Variants in NUDCD3 observed in about 807,000 individuals in gnomAD.
NUDCD3 encodes nudC domain-containing protein 3.
Under a neutral mutation model 39.7 loss-of-function variants are expected in NUDCD3, and 13 were observed. The ratio of observed to expected loss-of-function variants is 0.33; its 90% CI spans 0.21 to 0.52. The LOEUF is 0.52. NUDCD3 is among the 20% of genes least tolerant of loss of function. NUDCD3 has a pLI of 0.96. For missense variants in NUDCD3, 453 were observed against 458.1 expected, an observed-to-expected ratio of 0.99 and a Z score of 0.10; for synonymous variants, 175 against 172.4, an observed-to-expected ratio of 1.02 and a Z score of -0.12.
chr7:44,485,493 C>T, intron 1 of NUDCD3: 1 of 537,238 alleles, frequency 1.9e-6, no homozygotes, highest in Non-Finnish European at 3.3e-6. Flanking sequence ...TCAACAAAAT[C>T]AGAAACTTAT....
At chr7:44,433,178 C>A (rs554063468) in intron 2 of NUDCD3, among the ~76,000 whole-genome samples, 2 of 152,306 alleles carry the variant, frequency 1.3e-5, no homozygotes, top group Admixed American at 1.3e-4. Flanking sequence ...CTTCCAACAT[C>A]CAGAACTGTG....
rs1412309678 is a variant in NUDCD3 at position 44,379,373 on chromosome 7, G to C, written c.*6638C>G. 6.6e-6 allele frequency: 1 copy of C among 151,702 alleles called. No homozygotes were observed. Among genetic ancestry groups the C allele is most frequent in the Admixed American group, 6.6e-5 (1 of 15,258 alleles). The allele number at this position is 151,702 out of a possible 1,614,324, so 9.4% of individuals were successfully genotyped here. A position where few individuals can be genotyped will look rare whatever the true frequency, so the allele number is the denominator to read the frequency against. ...TGGGACAGAGATGAGGCAGTTGGCG[G>C]GGCGGGGCGGGGTGGGGGGGAACAG... On this transcript the variant is annotated 3_prime_UTR_variant, in exon 6 of 6. Transcript: ENST00000355451.
chr7:44,428,404 T>C (rs564426505), intron 2 of NUDCD3, among the ~76,000 whole-genome samples: 5 of 151,736 alleles, frequency 3.3e-5, no homozygotes, highest in African/African-American at 7.3e-5. Flanking sequence ...GATCACACCA[T>C]TGCACTCCAG....
chr7:44,472,756 G>A (rs893936850), intron 2 of NUDCD3, among the ~76,000 whole-genome samples: 3 of 152,132 alleles, frequency 2.0e-5, no homozygotes, highest in African/African-American at 7.2e-5. Flanking sequence ...AAAAGTGAAC[G>A]ACATTTCAAA....
At chr7:44,487,196 A>G (rs1008529235) in intron 1 of NUDCD3, among the ~76,000 whole-genome samples, 7 of 152,246 alleles carry the variant, frequency 4.6e-5, no homozygotes, top group African/African-American at 7.2e-5. Context: ...TTTCACATAC[A>G]TCATTCCTGC....
chr7:44,428,793 TGA>T (rs1384134247), intron 2 of NUDCD3, among the ~76,000 whole-genome samples: 1 of 152,320 alleles, frequency 6.6e-6, no homozygotes, highest in African/African-American at 2.4e-5. Flanking sequence ...TATAGTGAAC[TGA>T]AGATCTAAAT....
intron 2 of NUDCD3, chr7:44,471,702 T>C (rs1800262427): frequency 6.6e-6 from 1 of 152,260 alleles, no homozygotes; most frequent in Non-Finnish European, 1.5e-5. Context: ...CTGAGGCCAC[T>C]ACAGAGTAGA....
intron 5 of NUDCD3, among the ~76,000 whole-genome samples, chr7:44,390,269 CAGG>C (rs1459676314): frequency 6.6e-6 from 1 of 152,114 alleles, no homozygotes; most frequent in Non-Finnish European, 1.5e-5. Flanking sequence ...GAGGCTGAGG[CAGG>C]AGAACCGCTT....
At chr7:44,390,535 C>T (rs1798494587) in intron 5 of NUDCD3, among the ~76,000 whole-genome samples, 2 of 152,172 alleles carry the variant, frequency 1.3e-5, no homozygotes, top group South Asian at 4.1e-4. Flanking sequence ...GTCCCTCCAT[C>T]CTGTGGCACA....
Position 44,418,931 on chromosome 7 carries a change from C to T in NUDCD3, c.642+8640G>A, listed in dbSNP as rs552502439. Reference sequence around the variant, plus strand: ...TGCAATCTGCAGATCAGGAGATTCCCTCGTGTGCCTACACCACCAGGGCCC... The same window carrying T: ...TGCAATCTGCAGATCAGGAGATTCCTTCGTGTGCCTACACCACCAGGGCCC... On this transcript the variant is annotated intron_variant, in intron 3 of 5. Coordinates refer to ENST00000355451, the MANE Select transcript of NUDCD3 (RefSeq NM_015332.4). Among the ~76,000 whole-genome samples the T allele has an allele frequency of 2.7e-4, 41 of 152,320 alleles. No homozygotes were observed. The East Asian group carries it at 6.9e-3, about 26-fold the overall frequency.
intron 2 of NUDCD3, among the ~76,000 whole-genome samples, chr7:44,447,302 A>G (rs1312184869): frequency 6.6e-6 from 1 of 152,250 alleles, no homozygotes; most frequent in Non-Finnish European, 1.5e-5. Context: ...AGCCTGCCCC[A>G]GGCCAACAAA....
chr7:44,404,753 G>A (rs913356253), intron 3 of NUDCD3, among the ~76,000 whole-genome samples, 170 bp from the exon 4 acceptor site: 14 of 136,724 alleles, frequency 1.0e-4, no homozygotes, highest in Non-Finnish European at 1.7e-4. Flanking sequence ...TTTATACCTA[G>A]AGCAACCTGA....
chr7:44,386,121 T>TAGAGATG lies in NUDCD3; in HGVS notation c.976-1_976insCATCTCT (p.Lys326HisfsTer3). ...CCCTTCTTCAGCATCTCATGGACTT[T>TAGAGATG]CTACAAACAGAAAATAGAGAGATTA... On this transcript the variant is annotated frameshift_variant and splice_region_variant. Transcript: ENST00000355451. LOFTEE classifies it high-confidence loss of function. The TAGAGATG allele has an allele frequency of 6.2e-7, 1 of 1,614,134 alleles. No individual in the cohort carries two copies. Among genetic ancestry groups the TAGAGATG allele is most frequent in the Admixed American group, 1.7e-5 (1 of 60,022 alleles).
chr7:44,445,943 T>C (rs1486717024), intron 2 of NUDCD3, among the ~76,000 whole-genome samples: 1 of 152,238 alleles, frequency 6.6e-6, no homozygotes, highest in African/African-American at 2.4e-5. Context: ...TACAACCTTG[T>C]GTCTCTAAGC....
intron 3 of NUDCD3, among the ~76,000 whole-genome samples, chr7:44,419,105 G>C (rs1331639505): frequency 6.6e-6 from 1 of 152,152 alleles, no homozygotes; most frequent in African/African-American, 2.4e-5. Context: ...CCCCTGGAAA[G>C]GAGGCTGAAG....
At chr7:44,485,563 T>C (rs1349510446) in intron 1 of NUDCD3, 2 of 335,104 alleles carry the variant, frequency 6.0e-6, no homozygotes, top group African/African-American at 4.1e-5. Flanking sequence ...GTCTTTGTTG[T>C]CATTATTTTA....
At chr7:44,406,288 T>A (rs1227167674) in intron 3 of NUDCD3, among the ~76,000 whole-genome samples, 1 of 152,208 alleles carries the variant, frequency 6.6e-6, no homozygotes, top group Non-Finnish European at 1.5e-5. Flanking sequence ...TGACCTTTCA[T>A]AGGGGAATTT....
intron 2 of NUDCD3, among the ~76,000 whole-genome samples, chr7:44,449,890 A>T (rs1799762469): frequency 6.6e-6 from 1 of 151,916 alleles, no homozygotes; most frequent in South Asian, 2.1e-4. Context: ...GCACTTCATC[A>T]AAATAAAGAA....
At chr7:44,393,753 C>T (rs567856394) in intron 4 of NUDCD3, among the ~76,000 whole-genome samples, 3 of 152,134 alleles carry the variant, frequency 2.0e-5, no homozygotes, top group Non-Finnish European at 2.9e-5. Context: ...GCAAAGGGCC[C>T]GCAAGTGAGA....
Sources: allele counts gnomAD v4.1 joint callset (sites outside exome capture counted in the v4.1 genomes callset), GRCh38; gene constraint gnomAD v4.1.1; transcripts MANE v1.5; gene names NCBI Gene and HGNC (gene_info 2026-07-23, HGNC 2026-07-21).